Variants in ATXN7L2 observed in about 807,000 individuals in gnomAD.
ATXN7L2 encodes ataxin 7 like 2, also known as ataxin-7-like protein 2.
ATXN7L2 carries 17 observed loss-of-function variants against 59.6 expected under a neutral mutation model. That is an observed-to-expected ratio of 0.29 (90% CI 0.20 to 0.43). The LOEUF (loss-of-function observed/expected upper bound fraction) is 0.43. Ranked by LOEUF, ATXN7L2 falls within the 20% of genes least tolerant of loss-of-function variation. The pLI, the probability that ATXN7L2 is intolerant of heterozygous loss-of-function variation, is 1.00. For missense variants in ATXN7L2, 858 were observed against 1,008.9 expected (o/e 0.85, Z 2.03); for synonymous variants, 378 against 392.5 (o/e 0.96, Z 0.44).
rs1465557585 is a variant in ATXN7L2 at position 109,491,395 on chromosome 1, T to C, written c.1928T>C (p.Met643Thr). 1 of 1,614,204 alleles carries C rather than the reference T, an allele frequency of 6.2e-7. No individual in the cohort carries two copies. The highest frequency in any genetic ancestry group is 8.5e-7 in the Non-Finnish European group (1 of 1,180,024). ...GCCAAAACTAAAACAGCCCTGAGCA[T>C]GGGGCTTAATGGGACAATGGGGCCA... ...LSAKTKTALS[M>T]GLNGTMGPRV... is the part of the protein sequence containing the mutation. The change falls in exon 10 of 11, where the codon ATG (methionine) becomes ACG (threonine). Residue 643 changes from methionine (M) to threonine (T), a missense_variant. Physicochemically the swap from Met to Thr is moderately conservative, Grantham distance 81 (BLOSUM62 -1). Transcript: ENST00000683729. This position sits in a 1 kb window ranked among gnomAD's most constrained non-coding sequence, Gnocchi z 4.1.
In ATXN7L2 at chr1:109,491,190, C is replaced by G. The variant is rs1657034732; in HGVS notation, c.1723C>G (p.Pro575Ala). Residue 575 changes from proline to alanine, a missense_variant, in exon 10 of 11, where the codon CCG (proline) becomes GCG (alanine). Physicochemically the swap from Pro to Ala is conservative, Grantham distance 27. Around this residue, in one of 3 missense-constraint regions of ATXN7L2, gnomAD observed 734 missense variants for 862.3 expected, o/e 0.85. Transcript: ENST00000683729. The surrounding 1 kb of genome is among the most constrained non-coding windows in gnomAD (Gnocchi z 4.1). ...TSPLPANTPS[P>A]SFSKLPPSKA... Reference sequence around the variant, plus strand: ...ACCACTGCCTGCCAACACGCCATCCCCGTCCTTCAGCAAGCTGCCGCCTTC... The same window carrying G: ...ACCACTGCCTGCCAACACGCCATCCGCGTCCTTCAGCAAGCTGCCGCCTTC... 1.2e-6 allele frequency: 2 copies of G among 1,614,002 alleles called. No homozygotes were observed. Among genetic ancestry groups the G allele is most frequent in the Non-Finnish European group, 1.7e-6 (2 of 1,180,018 alleles).
rs776473250 is a variant in ATXN7L2 at position 109,491,362 on chromosome 1, G to A, written c.1895G>A (p.Gly632Asp). ...AAAGGGAAACCCTCTGGCTGTAGGG[G>A]CCTCTCGGCCAAAACTAAAACAGCC... ...TGKGKPSGCR[G>D]LSAKTKTALS... The change falls in exon 10 of 11, where the codon GGC becomes GAC. Residue 632 changes from glycine (G) to aspartate (D), a missense_variant. Around this residue, in one of 3 missense-constraint regions of ATXN7L2, gnomAD observed 734 missense variants for 862.3 expected, o/e 0.85. Transcript: ENST00000683729. This position sits in a 1 kb window ranked among gnomAD's most constrained non-coding sequence, Gnocchi z 4.1. The A allele has an allele frequency of 1.2e-6, 2 of 1,614,240 alleles. No homozygotes were observed. Among genetic ancestry groups the A allele is most frequent in the Non-Finnish European group, 1.7e-6 (2 of 1,180,044 alleles).
rs965140996 is a variant in ATXN7L2, at chr1:109,488,085, A to C, written c.796+281A>C. ...AGGGCGCCAGCCAGACACATCTCAC[A>C]GCTGGCTTCTCTGGCCTCCCAGATG... is the stretch of plus-strand genomic sequence containing the variant. On this transcript the variant is annotated intron_variant, in intron 5 of 10. Transcript: ENST00000683729. The surrounding 1 kb of genome is among the most constrained non-coding windows in gnomAD (Gnocchi z 5.0). Among the ~76,000 whole-genome samples the C allele has an allele frequency of 1.3e-5, 2 of 152,178 alleles. No individual in the cohort carries two copies. The highest frequency in any genetic ancestry group is 6.5e-5 in the Admixed American group (1 of 15,282).
At chr1:109,489,166 T>C (rs1656828223) in intron 7 of ATXN7L2, 66 bp downstream of exon 7, 2 of 1,548,812 alleles carry the variant, frequency 1.3e-6, no homozygotes, top group South Asian at 1.2e-5. Context: ...CAGGGGCCCC[T>C]GGAAACAGGC....
Position 109,484,100 on chromosome 1 carries a change from A to C in ATXN7L2, c.127+20A>C. On this transcript the variant is annotated intron_variant, in intron 1 of 10. Transcript: ENST00000683729. ...CTGACGGTGAGTAAAGCCACCCTAA[A>C]GTCCGGGGACCCCATCACTATCTCC... is the stretch of plus-strand genomic sequence containing the variant. 12 of 1,496,924 alleles carry C rather than the reference A, an allele frequency of 8.0e-6. No homozygotes were observed. Among genetic ancestry groups the C allele is most frequent in the Non-Finnish European group, 9.8e-6 (11 of 1,117,890 alleles). 92.7% of individuals were successfully genotyped at this position (1,496,924 alleles called of 1,614,324 possible).
In ATXN7L2 at chr1:109,487,590, G is replaced by T; in HGVS notation, c.582G>T (p.Val194=). 6.4e-7 allele frequency: 1 copy of T among 1,562,764 alleles called. No individual in the cohort carries two copies. The highest frequency in any genetic ancestry group is 8.6e-7 in the Non-Finnish European group (1 of 1,156,554). Residue 194 remains valine, a synonymous_variant, in exon 5 of 11, where the codon GTG becomes GTT. Coordinates refer to ENST00000683729, the MANE Select transcript of ATXN7L2 (RefSeq NM_001350175.2). ...LPKPDGHGIR[V]APPSAFLSQP... ...AGCCTGATGGACATGGAATCAGGGT[G>T]GCCCCACCCTCTGCTTTTCTCAGCC...
Position 109,490,401 on chromosome 1 carries a change from C to T in ATXN7L2, c.1454+9C>T. On this transcript the variant is annotated intron_variant, in intron 9 of 10. Coordinates refer to ENST00000683729, the MANE Select transcript of ATXN7L2 (RefSeq NM_001350175.2). The stretch of plus-strand genomic sequence containing the variant: ...AGCACACACATGTGGAAGTAAGTCT[C>T]TCGGACCCAGAATGGAAGTTCTAGA... 3 of 1,611,226 alleles carry T rather than the reference C, an allele frequency of 1.9e-6. No homozygotes were observed. Among genetic ancestry groups the T allele is most frequent in the Non-Finnish European group, 2.5e-6 (3 of 1,179,622 alleles).
At position 109,486,979 on chromosome 1, in the gene ATXN7L2, G is replaced by A; in HGVS notation, c.299-28G>A. ...AGGAAGTGGTGATACCACTCACCTT[G>A]ATTATTCTTTCCACCTCCTGGTGAC... is the stretch of plus-strand genomic sequence containing the variant. On this transcript the variant is annotated intron_variant, in intron 3 of 10. Coordinates refer to ENST00000683729, the MANE Select transcript of ATXN7L2 (RefSeq NM_001350175.2). This position sits in a 1 kb window ranked among gnomAD's most constrained non-coding sequence, Gnocchi z 4.3. The A allele has an allele frequency of 6.5e-7, 1 of 1,548,724 alleles. No individual in the cohort carries two copies. The highest frequency in any genetic ancestry group is 8.7e-7 in the Non-Finnish European group (1 of 1,146,486).
At position 109,483,979 on chromosome 1, in the gene ATXN7L2, C is replaced by A. The variant is rs758439174; in HGVS notation, c.26C>A (p.Ala9Glu). The A allele has an allele frequency of 2.2e-6, 3 of 1,365,598 alleles. No individual in the cohort carries two copies. Among genetic ancestry groups the A allele is most frequent in the Non-Finnish European group, 2.9e-6 (3 of 1,048,670 alleles). The allele number at this position is 1,365,598 out of a possible 1,614,324, so 84.6% of individuals were successfully genotyped here. A position where few individuals can be genotyped will look rare whatever the true frequency, so the allele number is the denominator to read the frequency against. Residue 9 changes from alanine to glutamate, a missense_variant, in exon 1 of 11, where the codon GCA becomes GAA. Ala to Glu is a moderately radical substitution (Grantham distance 107). This residue lies in a region of ATXN7L2 where 95 missense variants were observed against 82.6 expected (regional missense o/e 1.15). Transcript: ENST00000683729. ...ATGGCGGTGCGTGAACGCGCGGCGG[C>A]AGCAATGGCCGCTCTGGAGCGGCGG... MAVRERAAAAMAALERRVP... is the reference protein window; with the variant it reads MAVRERAAEAMAALERRVP...
At position 109,483,906 on chromosome 1, in the gene ATXN7L2, G is replaced by T; in HGVS notation, c.-48G>T. The T allele has an allele frequency of 8.6e-7, 1 of 1,156,834 alleles. No individual in the cohort carries two copies. The allele number at this position is 1,156,834 out of a possible 1,614,324, so 71.7% of individuals were successfully genotyped here. A position where few individuals can be genotyped will look rare whatever the true frequency, so the allele number is the denominator to read the frequency against. On this transcript the variant is annotated 5_prime_UTR_variant, in exon 1 of 11. Transcript: ENST00000683729. Reference sequence around the variant, plus strand: ...GTGCCCGCGACGGGGCGAGGGGGAGGGGGCCGCGCGGCGGCGGCGCCAGGG... The same window carrying T: ...GTGCCCGCGACGGGGCGAGGGGGAGTGGGCCGCGCGGCGGCGGCGCCAGGG...
Position 109,490,011 on chromosome 1 carries a change from C to T in ATXN7L2, c.1215C>T (p.Pro405=). The part of the protein sequence containing the change: ...GDGDPGLFPF[P]MPRGGTQASS... ...GGGACCCAGGCCTGTTCCCCTTCCCCATGCCCCGGGGTGGGACCCAGGCCT... is the reference window on the plus strand; with the variant it reads ...GGGACCCAGGCCTGTTCCCCTTCCCTATGCCCCGGGGTGGGACCCAGGCCT... Residue 405 remains proline, a synonymous_variant, in exon 8 of 11, where the codon CCC becomes CCT. Coordinates refer to ENST00000683729, the MANE Select transcript of ATXN7L2 (RefSeq NM_001350175.2). 1.9e-6 allele frequency: 3 copies of T among 1,613,278 alleles called. No homozygotes were observed. The highest frequency in any genetic ancestry group is 2.5e-6 in the Non-Finnish European group (3 of 1,179,696).
Position 109,486,654 on chromosome 1 carries a change from G to A in ATXN7L2, c.298+44G>A, listed in dbSNP as rs1656602601. 1.3e-6 allele frequency: 2 copies of A among 1,526,236 alleles called. No homozygotes were observed. The highest frequency in any genetic ancestry group is 1.8e-6 in the Non-Finnish European group (2 of 1,102,644). The allele number at this position is 1,526,236 out of a possible 1,614,324, so 94.5% of individuals were successfully genotyped here. A position where few individuals can be genotyped will look rare whatever the true frequency, so the allele number is the denominator to read the frequency against. On this transcript the variant is annotated intron_variant, in intron 3 of 10. Transcript: ENST00000683729. The surrounding 1 kb of genome is among the most constrained non-coding windows in gnomAD (Gnocchi z 4.3). Reference sequence around the variant, plus strand: ...AGGAGATAAAGGGACAGGGGAAGGTGGAGCATGGAACTCTGAGGACAGGGT... The same window carrying A: ...AGGAGATAAAGGGACAGGGGAAGGTAGAGCATGGAACTCTGAGGACAGGGT...
intron 1 of ATXN7L2, 25 bp downstream of exon 1, chr1:109,484,105 G>C (rs1425714483): frequency 1.4e-6 from 2 of 1,479,736 alleles, no homozygotes; most frequent in South Asian, 1.3e-5. Context: ...CCTAAAGTCC[G>C]GGGACCCCAT....
chr1:109,486,725 G>A lies in ATXN7L2; in HGVS notation c.298+115G>A. On this transcript the variant is annotated intron_variant, in intron 3 of 10. Coordinates refer to ENST00000683729, the MANE Select transcript of ATXN7L2 (RefSeq NM_001350175.2). The surrounding 1 kb of genome is among the most constrained non-coding windows in gnomAD (Gnocchi z 4.3). ...GTAATGGAGGGTGGTGTTGAGGATAGGAAGGTTGTGGGGGTGGCTTCAGAG... is the reference window on the plus strand; with the variant it reads ...GTAATGGAGGGTGGTGTTGAGGATAAGAAGGTTGTGGGGGTGGCTTCAGAG... The A allele has an allele frequency of 1.1e-6, 1 of 919,942 alleles. No homozygotes were observed. The highest frequency in any genetic ancestry group is 1.7e-6 in the Non-Finnish European group (1 of 605,068). The allele number at this position is 919,942 out of a possible 1,614,324, so 57.0% of individuals were successfully genotyped here.
chr1:109,490,529 A>T, intron 9 of ATXN7L2, 137 bp downstream of exon 9: 1 of 1,287,540 alleles, frequency 7.8e-7, no homozygotes, highest in Non-Finnish European at 1.0e-6. Context: ...GACCCCAGAT[A>T]GGGAGTAGCA....
In ATXN7L2 at chr1:109,491,066, C is replaced by G; in HGVS notation, c.1599C>G (p.Thr533=). The G allele has an allele frequency of 6.2e-7, 1 of 1,613,708 alleles. No homozygotes were observed. Among genetic ancestry groups the G allele is most frequent in the Non-Finnish European group, 8.5e-7 (1 of 1,179,988 alleles). ...RPACPASMPP[T]KDNLVPSYPA... ...CCTGCCCAGCCTCCATGCCCCCCACCAAGGACAACCTTGTCCCCAGCTACC... is the reference window on the plus strand; with the variant it reads ...CCTGCCCAGCCTCCATGCCCCCCACGAAGGACAACCTTGTCCCCAGCTACC... Residue 533 remains threonine (T), a synonymous_variant, in exon 10 of 11, where the codon ACC becomes ACG. Coordinates refer to ENST00000683729, the MANE Select transcript of ATXN7L2 (RefSeq NM_001350175.2). This position sits in a 1 kb window ranked among gnomAD's most constrained non-coding sequence, Gnocchi z 4.1.
At position 109,488,726 on chromosome 1, in the gene ATXN7L2, G is replaced by T; in HGVS notation, c.880-121G>T. 7.7e-7 allele frequency: 1 copy of T among 1,303,954 alleles called. No individual in the cohort carries two copies. The allele number at this position is 1,303,954 out of a possible 1,614,324, so 80.8% of individuals were successfully genotyped here. A position where few individuals can be genotyped will look rare whatever the true frequency, so the allele number is the denominator to read the frequency against. ...AATGAAACAAAGACACATGAACACAGCTGCAAATATGCCCACCTCTCTCCC... is the reference window on the plus strand; with the variant it reads ...AATGAAACAAAGACACATGAACACATCTGCAAATATGCCCACCTCTCTCCC... On this transcript the variant is annotated intron_variant, in intron 6 of 10. Coordinates refer to ENST00000683729, the MANE Select transcript of ATXN7L2 (RefSeq NM_001350175.2). The surrounding 1 kb of genome is among the most constrained non-coding windows in gnomAD (Gnocchi z 5.0).
At chr1:109,489,505 A>G (rs761929066) in intron 7 of ATXN7L2, 8 of 327,978 alleles carry the variant, frequency 2.4e-5, no homozygotes, top group Admixed American at 1.4e-4. Flanking sequence ...GGAGACACAC[A>G]TGCATCTCTG....
At position 109,484,051 on chromosome 1, in the gene ATXN7L2, T is replaced by G. The variant is rs1379978549; in HGVS notation, c.98T>G (p.Val33Gly). ...DFAGQSWSSWVERADLPAADG... is the reference protein window; with the variant it reads ...DFAGQSWSSWGERADLPAADG... ...GCGGGACAGAGCTGGAGCTCGTGGG[T>G]GGAGCGGGCCGACCTGCCCGCGGCT... The change falls in exon 1 of 11, where the codon GTG (valine) becomes GGG (glycine). Residue 33 changes from valine (V) to glycine (G), a missense_variant. By Grantham distance (109) the Val-to-Gly change is moderately radical (BLOSUM62 -3). Around this residue, in one of 3 missense-constraint regions of ATXN7L2, gnomAD observed 95 missense variants for 82.6 expected, o/e 1.15. Transcript: ENST00000683729. The G allele has an allele frequency of 7.9e-6, 12 of 1,513,810 alleles. No homozygotes were observed. The highest frequency in any genetic ancestry group is 1.1e-5 in the Non-Finnish European group (12 of 1,128,186). 93.8% of individuals were successfully genotyped at this position (1,513,810 alleles called of 1,614,324 possible).
Sources: gnomAD v4.1 joint callset for allele counts (sites outside exome capture counted in the v4.1 genomes callset) on GRCh38, gnomAD v4.1.1 for gene constraint, gnomAD v4.1.1 regional missense constraint, Gnocchi (gnomAD v3.1) non-coding constraint, MANE v1.5 for transcripts, NCBI Gene and HGNC (gene_info 2026-07-23, HGNC 2026-07-21) for gene names.